The following IYD variants were observed in gnomAD, a reference collection of about 807,000 sequenced individuals.
IYD encodes the protein iodotyrosine deiodinase 1.
Under a neutral mutation model 28.4 loss-of-function variants are expected in IYD, and 25 were observed. That is an observed-to-expected ratio of 0.88 (90% CI 0.64 to 1.23). IYD has a LOEUF of 1.23. Among genes scored for constraint, IYD ranks in the 50% most tolerant of loss-of-function variants. The pLI is 0.00. For synonymous variants in IYD, 140 were observed against 130.8 expected (o/e 1.07, Z -0.48); for missense variants, 352 against 357.9 (o/e 0.98, Z 0.13).
chr6:150,381,286 C>T (rs1027720965), intron 1 of IYD, among the ~76,000 whole-genome samples: 2 of 152,204 alleles, frequency 1.3e-5, no homozygotes, highest in Non-Finnish European at 2.9e-5. Flanking sequence ...ATCTAAGTTT[C>T]CACTGTATCT....
rs182004914 is a variant in IYD, at chr6:150,382,132, C to T, written c.179-7220C>T. Among the ~76,000 whole-genome samples the T allele has an allele frequency of 1.4e-3, 206 of 152,210 alleles. 1 individual carries two copies. The highest frequency in any genetic ancestry group is 0.01 in the Middle Eastern group (3 of 294). On this transcript the variant is annotated intron_variant, in intron 1 of 4. Coordinates refer to ENST00000344419, the MANE Select transcript of IYD (RefSeq NM_203395.3). The stretch of plus-strand genomic sequence containing the variant: ...CTCTGCTGTAGATAGCTATCTCTCC[C>T]GAGATCCCACCCCTCCCAGGATGGC...
intron 1 of IYD, among the ~76,000 whole-genome samples, chr6:150,383,331 C>G (rs1418644278): frequency 3.3e-5 from 5 of 152,110 alleles, no homozygotes; most frequent in African/African-American, 9.7e-5. Flanking sequence ...CTTTTGTCAT[C>G]ATCCTTTATC....
At chr6:150,394,384 GA>G in intron 4 of IYD, 129 bp downstream of exon 4, 2 of 946,464 alleles carry the variant, frequency 2.1e-6, no homozygotes, top group Non-Finnish European at 3.3e-6. Context: ...ACTCTGATGT[GA>G]AAACTGACTC....
chr6:150,386,618 G>A (rs1308622846), intron 1 of IYD, among the ~76,000 whole-genome samples: 1 of 152,036 alleles, frequency 6.6e-6, no homozygotes, highest in Non-Finnish European at 1.5e-5. Context: ...TACCGAAAGA[G>A]ATGCATTAAG....
Position 150,394,130 on chromosome 6 carries a change from G to A in IYD, c.562G>A (p.Ala188Thr). The A allele has an allele frequency of 2.5e-6, 4 of 1,614,116 alleles. No homozygotes were observed. Among genetic ancestry groups the A allele is most frequent in the Non-Finnish European group, 3.4e-6 (4 of 1,179,988 alleles). ...CTGGATTAAAGAGTACTTGGATACTGCCCCTATTTTGATTCTCATTTTCAA... is the reference window on the plus strand; with the variant it reads ...CTGGATTAAAGAGTACTTGGATACTACCCCTATTTTGATTCTCATTTTCAA... ...TNWIKEYLDT[A>T]PILILIFKQV... The change falls in exon 4 of 5, where the codon GCC becomes ACC. Residue 188 changes from alanine (A) to threonine (T), a missense_variant. Ala to Thr is a moderately conservative substitution (Grantham distance 58). Coordinates refer to ENST00000344419, the MANE Select transcript of IYD (RefSeq NM_203395.3).
chr6:150,374,265 A>G (rs867320383), intron 1 of IYD, among the ~76,000 whole-genome samples: 14 of 152,238 alleles, frequency 9.2e-5, no homozygotes, highest in African/African-American at 3.4e-4. Flanking sequence ...ATCCAAAGGA[A>G]CAGTTAAACC....
At chr6:150,375,808 T>C (rs1777424523) in intron 1 of IYD, among the ~76,000 whole-genome samples, 1 of 152,112 alleles carries the variant, frequency 6.6e-6, no homozygotes, top group African/African-American at 2.4e-5. Context: ...ACCTTCAAAA[T>C]CTGCATCACC....
At chr6:150,395,967 G>A (rs1778297448) in intron 4 of IYD, 1 of 417,988 alleles carries the variant, frequency 2.4e-6, no homozygotes, top group Admixed American at 3.8e-5. Flanking sequence ...CTGCTTCCAT[G>A]GTTGGCTCTG....
At chr6:150,382,481 C>T (rs1233776523) in intron 1 of IYD, among the ~76,000 whole-genome samples, 3 of 152,134 alleles carry the variant, frequency 2.0e-5, no homozygotes, top group Non-Finnish European at 4.4e-5. Flanking sequence ...TTTAAAATCT[C>T]GGATTGGTAT....
rs558804915 is a variant in IYD at position 150,371,174 on chromosome 6, C to A, written c.178+1965C>A. 9.9e-5 allele frequency among the ~76,000 whole-genome samples: 15 copies of A among 152,228 alleles called. No homozygotes were observed. In the South Asian group the frequency reaches 3.1e-3, roughly 32 times the overall value. ...CTCTGGGATCATAACAGTAACAAGCCCTTATATATTAATAGCTCTTAATGT... is the reference window on the plus strand; with the variant it reads ...CTCTGGGATCATAACAGTAACAAGCACTTATATATTAATAGCTCTTAATGT... On this transcript the variant is annotated intron_variant, in intron 1 of 4. Coordinates refer to ENST00000344419, the MANE Select transcript of IYD (RefSeq NM_203395.3).
intron 1 of IYD, among the ~76,000 whole-genome samples, chr6:150,380,624 C>A (rs1032110197): frequency 1.3e-5 from 2 of 152,178 alleles, no homozygotes; most frequent in African/African-American, 4.8e-5. Context: ...ATTTGACAAT[C>A]CCCACAGAAC....
Position 150,399,517 on chromosome 6 carries a change from A to ACT in IYD, c.*1283_*1284dup, listed in dbSNP as rs1778443924. The ACT allele has an allele frequency of 1.3e-5, 2 of 151,880 alleles. No homozygotes were observed. The highest frequency in any genetic ancestry group is 1.3e-4 in the Admixed American group (2 of 15,256). 9.4% of individuals were successfully genotyped at this position (151,880 alleles called of 1,614,324 possible). A position where few individuals can be genotyped will look rare whatever the true frequency, so the allele number is the denominator to read the frequency against. ...AGGGGTGTCATATTTACAGAGGCAA[A>ACT]CTCTTACAGCTTGGATGATTTCTCA... is the stretch of plus-strand genomic sequence containing the variant. On this transcript the variant is annotated 3_prime_UTR_variant, in exon 5 of 5. Coordinates refer to ENST00000344419, the MANE Select transcript of IYD (RefSeq NM_203395.3).
chr6:150,378,329 C>T (rs1237771248), intron 1 of IYD, among the ~76,000 whole-genome samples: 1 of 150,752 alleles, frequency 6.6e-6, no homozygotes, highest in African/African-American at 2.5e-5. Flanking sequence ...TCCCTCCCCG[C>T]TCCCCCCACC....
chr6:150,385,038 T>C (rs923202126), intron 1 of IYD: 32 of 152,150 alleles, frequency 2.1e-4, no homozygotes, highest in African/African-American at 7.7e-4. Flanking sequence ...CTACTGATAA[T>C]GAGCTTGCAG....
In IYD at chr6:150,403,021, G is replaced by A. The variant is rs1778554145; in HGVS notation, c.*4784G>A. On this transcript the variant is annotated 3_prime_UTR_variant, in exon 5 of 5. Coordinates refer to ENST00000344419, the MANE Select transcript of IYD (RefSeq NM_203395.3). ...TAGCTCACTGCAGCCTCCAACTTCT[G>A]GACTCAAGTGATCCTCCCACCTTAG... is the stretch of plus-strand genomic sequence containing the variant. 3.9e-5 allele frequency: 6 copies of A among 152,108 alleles called. No individual in the cohort carries two copies. The allele number at this position is 152,108 out of a possible 1,614,324, so 9.4% of individuals were successfully genotyped here. A position where few individuals can be genotyped will look rare whatever the true frequency, so the allele number is the denominator to read the frequency against.
rs1778501849 is a variant in IYD at position 150,401,276 on chromosome 6, A to G, written c.*3039A>G. ...AAGGTGCAGATATCATGCTTATTTCATTGGGTTGTTTTGGAATGTCCCCCA... is the reference window on the plus strand; with the variant it reads ...AAGGTGCAGATATCATGCTTATTTCGTTGGGTTGTTTTGGAATGTCCCCCA... On this transcript the variant is annotated 3_prime_UTR_variant, in exon 5 of 5. Coordinates refer to ENST00000344419, the MANE Select transcript of IYD (RefSeq NM_203395.3). 2.6e-5 allele frequency: 4 copies of G among 152,242 alleles called. No individual in the cohort carries two copies. The highest frequency in any genetic ancestry group is 2.6e-4 in the Admixed American group (4 of 15,294). 9.4% of individuals were successfully genotyped at this position (152,242 alleles called of 1,614,324 possible). A position where few individuals can be genotyped will look rare whatever the true frequency, so the allele number is the denominator to read the frequency against.
rs761060279 is a variant in IYD, at chr6:150,369,093, A to G, written c.62A>G (p.Lys21Arg). The G allele has an allele frequency of 3.1e-6, 5 of 1,613,678 alleles. No homozygotes were observed. Among genetic ancestry groups the G allele is most frequent in the Non-Finnish European group, 4.2e-6 (5 of 1,179,898 alleles). The stretch of plus-strand genomic sequence containing the variant: ...TGCATTTTGGTTGTGTGGATCTTTA[A>G]AAATGCCGACAGAAGCATGGAGAAA... ...ILCILVVWIF[K>R]NADRSMEKKK... Residue 21 changes from lysine (K) to arginine (R), a missense_variant, in exon 1 of 5, where the codon AAA becomes AGA. Coordinates refer to ENST00000344419, the MANE Select transcript of IYD (RefSeq NM_203395.3).
At chr6:150,374,456 T>C (rs1777373467) in intron 1 of IYD, among the ~76,000 whole-genome samples, 1 of 152,214 alleles carries the variant, frequency 6.6e-6, no homozygotes, top group South Asian at 2.1e-4. Context: ...AAGAAAAAGA[T>C]TTAATGGACT....
At chr6:150,385,655 T>A (rs1777835902) in intron 1 of IYD, among the ~76,000 whole-genome samples, 1 of 151,964 alleles carries the variant, frequency 6.6e-6, no homozygotes, top group East Asian at 1.9e-4. Flanking sequence ...AGCCTGTAGT[T>A]TTTTGTTCTC....
Sources: allele counts gnomAD v4.1 joint callset (sites outside exome capture counted in the v4.1 genomes callset), GRCh38; gene constraint gnomAD v4.1.1; transcripts MANE v1.5; gene names NCBI Gene and HGNC (gene_info 2026-07-23, HGNC 2026-07-21).